Variants in CSPP1 observed in about 807,000 individuals in gnomAD.
CSPP1 encodes the protein centrosome and spindle pole associated protein 1.
A neutral mutation model predicts 164.4 loss-of-function variants in CSPP1; 126 were observed. The observed-to-expected ratio is 0.77, with a 90% CI of 0.66 to 0.89. CSPP1 has a LOEUF of 0.89. Ranked by LOEUF, CSPP1 falls within the 40% of genes least tolerant of loss-of-function variation. The pLI is 0.00. For missense variants in CSPP1, 1,395 were observed against 1,449.8 expected (o/e 0.96, Z 0.61); for synonymous variants, 472 against 476.7 (o/e 0.99, Z 0.13).
At chr8:67,142,986 A>G (rs896431610) in intron 17 of CSPP1, among the ~76,000 whole-genome samples, 3 of 152,212 alleles carry the variant, frequency 2.0e-5, no homozygotes, top group African/African-American at 4.8e-5. Flanking sequence ...CGTCTTAGAT[A>G]ATCATGGCAC....
intron 15 of CSPP1, among the ~76,000 whole-genome samples, chr8:67,122,368 C>G (rs908709036): frequency 6.6e-6 from 1 of 152,132 alleles, no homozygotes; most frequent in African/African-American, 2.4e-5. Flanking sequence ...TGTATACTTA[C>G]AACTATAAGC....
chr8:67,111,059 C>T (rs1398621875), intron 9 of CSPP1, among the ~76,000 whole-genome samples: 1 of 152,168 alleles, frequency 6.6e-6, no homozygotes, highest in East Asian at 1.9e-4. Flanking sequence ...AACTGAGATG[C>T]TGTGTGCCCA....
At position 67,095,621 on chromosome 8, in the gene CSPP1, G is replaced by T. The variant is rs1254304751; in HGVS notation, c.812G>T (p.Arg271Ile). The T allele has an allele frequency of 4.3e-6, 7 of 1,613,510 alleles. No homozygotes were observed. The Admixed American group carries it at 1.2e-4, about 27-fold the overall frequency. Residue 271 changes from arginine (R) to isoleucine (I), a missense_variant, in exon 7 of 31, where the codon AGA becomes ATA. By Grantham distance (97) the Arg-to-Ile change is moderately conservative. Coordinates refer to ENST00000678616, the MANE Select transcript of CSPP1 (RefSeq NM_001382391.1). ...TTTAATGAGGATCGTGTTTTTGATA[G>T]ACGGTATCATAGACCAGACCAAGAT... Reference protein sequence around the residue: ...HRFNEDRVFDRRYHRPDQDPE... With the variant: ...HRFNEDRVFDIRYHRPDQDPE...
At position 67,068,929 on chromosome 8, in the gene CSPP1, T is replaced by C. The variant is rs550012943; in HGVS notation, c.-11+4391T>C. ...CTGATGTGAATGACTACTGCTTGTT[T>C]ACCAGTTACAGCATTAGCCTCCCCC... On this transcript the variant is annotated intron_variant, in intron 1 of 30. Coordinates refer to ENST00000678616, the MANE Select transcript of CSPP1 (RefSeq NM_001382391.1). Among the ~76,000 whole-genome samples the C allele has an allele frequency of 2.0e-5, 3 of 152,336 alleles. No homozygotes were observed. In the East Asian group the frequency reaches 5.8e-4, roughly 29 times the overall value.
At chr8:67,080,504 T>C (rs1389197738) in intron 3 of CSPP1, among the ~76,000 whole-genome samples, 1 of 152,216 alleles carries the variant, frequency 6.6e-6, no homozygotes, top group African/African-American at 2.4e-5. Context: ...TGACACCAGC[T>C]ACCTGGAGTT....
At chr8:67,144,558 A>G (rs1025122257) in intron 17 of CSPP1, among the ~76,000 whole-genome samples, 8 of 151,942 alleles carry the variant, frequency 5.3e-5, no homozygotes, top group African/African-American at 1.7e-4. Flanking sequence ...TGCCACCTCA[A>G]CTTTCTGAGT....
At chr8:67,106,488 G>A (rs1291074657) in intron 9 of CSPP1, among the ~76,000 whole-genome samples, 2 of 151,886 alleles carry the variant, frequency 1.3e-5, no homozygotes, top group African/African-American at 4.8e-5. Flanking sequence ...GTGTATTTTA[G>A]TTTCTTTTCT....
chr8:67,147,153 G>A (rs1339794558), intron 17 of CSPP1, among the ~76,000 whole-genome samples: 3 of 152,080 alleles, frequency 2.0e-5, no homozygotes, highest in African/African-American at 4.8e-5. Flanking sequence ...AAATTATAAT[G>A]TGTTATCGAA....
chr8:67,177,841 G>A (rs571627201), intron 27 of CSPP1, 115 bp downstream of exon 27: 23 of 788,166 alleles, frequency 2.9e-5, no homozygotes, highest in Admixed American at 1.3e-4. Context: ...AATTAAGAAC[G>A]TAAGTCTTAT....
rs1450841731 is a variant in CSPP1 at position 67,193,357 on chromosome 8, A to AAAG, written c.3331-106_3331-104dup. 9.3e-6 allele frequency: 9 copies of AAAG among 964,910 alleles called. No individual in the cohort carries two copies. The African/African-American group carries it at 1.1e-4, about 12-fold the overall frequency. 59.8% of individuals were successfully genotyped at this position (964,910 alleles called of 1,614,324 possible). Reference sequence around the variant, plus strand: ...GGTGATCTGCCCACCTCGGCTTCCCAAAGTGCTGGGATCACAGGTGATAGG... The same window carrying AAAG: ...GGTGATCTGCCCACCTCGGCTTCCCAAAGAAGTGCTGGGATCACAGGTGATAGG... On this transcript the variant is annotated intron_variant, in intron 29 of 30. Transcript: ENST00000678616.
chr8:67,104,296 G>A (rs558761406), intron 8 of CSPP1, among the ~76,000 whole-genome samples: 6 of 145,934 alleles, frequency 4.1e-5, no homozygotes, highest in Non-Finnish European at 7.5e-5. Context: ...ACAGAGTCTC[G>A]CTTTGTTGTC....
intron 13 of CSPP1, 53 bp from the exon 14 acceptor site, chr8:67,118,195 T>A (rs1818297538): frequency 1.3e-6 from 2 of 1,595,954 alleles, no homozygotes; most frequent in Non-Finnish European, 1.7e-6. Flanking sequence ...CTTGATTTTT[T>A]AAAAAATTGC....
At chr8:67,130,191 A>G (rs1820930915) in intron 15 of CSPP1, among the ~76,000 whole-genome samples, 1 of 152,222 alleles carries the variant, frequency 6.6e-6, no homozygotes, top group Admixed American at 6.5e-5. Context: ...TCCCTCAGAT[A>G]TACCACGGGA....
chr8:67,102,281 G>A (rs1247589943), intron 7 of CSPP1, among the ~76,000 whole-genome samples: 1 of 152,062 alleles, frequency 6.6e-6, no homozygotes, highest in East Asian at 1.9e-4. Flanking sequence ...TGATAAGACT[G>A]CTGCTGTATT....
At chr8:67,098,627 T>G (rs1343895062) in intron 7 of CSPP1, among the ~76,000 whole-genome samples, 1 of 152,010 alleles carries the variant, frequency 6.6e-6, no homozygotes, top group East Asian at 1.9e-4. Context: ...AAGTAAAATT[T>G]ATCATGTTTT....
At chr8:67,176,948 G>A (rs772112140) in intron 26 of CSPP1, among the ~76,000 whole-genome samples, 1 of 151,896 alleles carries the variant, frequency 6.6e-6, no homozygotes, top group Non-Finnish European at 1.5e-5. Context: ...GCGTGTGCCT[G>A]TAGTCCCAGC....
intron 28 of CSPP1, among the ~76,000 whole-genome samples, chr8:67,189,150 TC>T (rs1259513031): frequency 6.6e-6 from 1 of 152,198 alleles, no homozygotes; most frequent in African/African-American, 2.4e-5. Flanking sequence ...CAATAGGAAC[TC>T]TCATTCATTG....
intron 16 of CSPP1, 121 bp from the exon 17 acceptor site, chr8:67,137,335 A>G (rs1822538227): frequency 2.3e-5 from 15 of 649,690 alleles, no homozygotes; most frequent in African/African-American, 4.0e-5. Flanking sequence ...ACACTGGGGA[A>G]AAAAAAAAAA....
chr8:67,121,464 A>G (rs2129551986), intron 15 of CSPP1, among the ~76,000 whole-genome samples: 1 of 152,068 alleles, frequency 6.6e-6, no homozygotes, highest in African/African-American at 2.4e-5. Flanking sequence ...AATGTGGTAT[A>G]TTGATTGATT....
Sources: gnomAD v4.1 joint callset for allele counts (sites outside exome capture counted in the v4.1 genomes callset) on GRCh38, gnomAD v4.1.1 for gene constraint, MANE v1.5 for transcripts, NCBI Gene and HGNC (gene_info 2026-07-23, HGNC 2026-07-21) for gene names.